GSR: variants seen among roughly 807,000 people sequenced by gnomAD.
GSR encodes the protein glutathione-disulfide reductase.
Under a neutral mutation model 56.5 loss-of-function variants are expected in GSR, and 48 were observed. The observed-to-expected ratio is 0.85, with a 90% CI of 0.67 to 1.08. The LOEUF (loss-of-function observed/expected upper bound fraction) is 1.08. GSR is among the 50% of genes least tolerant of loss of function. The pLI is 0.00. For missense variants in GSR, 694 were observed against 703.3 expected, an observed-to-expected ratio of 0.99 and a Z score of 0.15; for synonymous variants, 264 against 270.8, an observed-to-expected ratio of 0.97 and a Z score of 0.25.
In GSR at chr8:30,727,554, C is replaced by T. The variant is rs1470346529; in HGVS notation, c.282G>A (p.Glu94=). Residue 94 remains glutamate (E), a synonymous_variant, in exon 1 of 13, where the codon GAG becomes GAA. Transcript: ENST00000221130. ...CGCAAGTGCCACCCAGCTTGTGGCTCTCCACCACGGCGGCCCTGGCACCCA... is the reference window on the plus strand; with the variant it reads ...CGCAAGTGCCACCCAGCTTGTGGCTTTCCACCACGGCGGCCCTGGCACCCA... ...AELGARAAVV[E]SHKLGGTCVN... is the part of the protein sequence containing the mutation. 2 of 1,536,928 alleles carry T rather than the reference C, an allele frequency of 1.3e-6. No individual in the cohort carries two copies. The highest frequency in any genetic ancestry group is 8.7e-7 in the Non-Finnish European group (1 of 1,145,254).
At chr8:30,701,847 G>C (rs1463011833) in intron 5 of GSR, among the ~76,000 whole-genome samples, 1 of 139,714 alleles carries the variant, frequency 7.2e-6, no homozygotes, top group Non-Finnish European at 1.5e-5. Flanking sequence ...ATCTTATGAA[G>C]CTAATCCATG....
chr8:30,709,101 T>G (rs1219788824), intron 3 of GSR, among the ~76,000 whole-genome samples: 1 of 152,102 alleles, frequency 6.6e-6, no homozygotes. Flanking sequence ...CTCACACTTG[T>G]AATCCCAGCA....
rs567384786 is a variant in GSR at position 30,703,795 on chromosome 8, AAGG to A, written c.493-558_493-556del. Among the ~76,000 whole-genome samples, 370 of 150,634 alleles carry A rather than the reference AAGG, an allele frequency of 2.5e-3. 2 individuals carry two copies. Among genetic ancestry groups the A allele is most frequent in the African/African-American group, 8.5e-3 (348 of 40,972 alleles). ...AGGGAAGGGGAGCAGGGGAAGGAAG[AAGG>A]AGGAGGAGGAGAAGAGGGAGGAGGA... is the stretch of plus-strand genomic sequence containing the variant. On this transcript the variant is annotated intron_variant, in intron 4 of 12. Coordinates refer to ENST00000221130, the MANE Select transcript of GSR (RefSeq NM_000637.5).
At chr8:30,695,651 C>A (rs890465681) in intron 7 of GSR, among the ~76,000 whole-genome samples, 2 of 152,164 alleles carry the variant, frequency 1.3e-5, no homozygotes, top group African/African-American at 4.8e-5. Context: ...AGATTGGACA[C>A]CCCTGCTTTA....
intron 1 of GSR, among the ~76,000 whole-genome samples, chr8:30,713,647 C>G (rs939519537): frequency 2.0e-5 from 3 of 151,970 alleles, no homozygotes; most frequent in Non-Finnish European, 4.4e-5. Flanking sequence ...GCATGAGCCA[C>G]CACGCCCAGA....
intron 9 of GSR, among the ~76,000 whole-genome samples, chr8:30,686,561 C>T (rs1429327623): frequency 1.3e-5 from 2 of 151,966 alleles, no homozygotes; most frequent in Non-Finnish European, 2.9e-5. Context: ...GTGGACCACG[C>T]CTGTAGTTCC....
In GSR at chr8:30,696,416, C is replaced by T; in HGVS notation, c.759G>A (p.Leu253=). The T allele has an allele frequency of 6.2e-7, 1 of 1,612,912 alleles. No individual in the cohort carries two copies. The highest frequency in any genetic ancestry group is 8.5e-7 in the Non-Finnish European group (1 of 1,178,916). Residue 253 remains leucine (L), a synonymous_variant, in exon 7 of 13, where the codon CTG becomes CTA. Transcript: ENST00000221130. ...GTATCATCAGTGATGTCTTAGAACC[C>T]AGGGCTGACAGGATCCCTGCCATCT... ...AVEMAGILSA[L]GSKTSLMIRH...
At chr8:30,690,408 C>T (rs1197223896) in intron 8 of GSR, among the ~76,000 whole-genome samples, 2 of 152,064 alleles carry the variant, frequency 1.3e-5, no homozygotes, top group Non-Finnish European at 2.9e-5. Context: ...GATTCTCCTC[C>T]TGCCTTGGCC....
At chr8:30,683,847 G>T (rs954240202) in intron 10 of GSR, among the ~76,000 whole-genome samples, 1 of 151,690 alleles carries the variant, frequency 6.6e-6, no homozygotes, top group African/African-American at 2.4e-5. Flanking sequence ...AGAGAGTTCC[G>T]CAACGGGTGA....
At chr8:30,721,897 G>C (rs759549807) in intron 1 of GSR, among the ~76,000 whole-genome samples, 1 of 150,858 alleles carries the variant, frequency 6.6e-6, no homozygotes, top group Non-Finnish European at 1.5e-5. Context: ...CACGCCTGTA[G>C]TCCCAGCTAC....
At chr8:30,716,998 G>A (rs1265697503) in intron 1 of GSR, among the ~76,000 whole-genome samples, 1 of 152,134 alleles carries the variant, frequency 6.6e-6, no homozygotes, top group Non-Finnish European at 1.5e-5. Context: ...AGCACTTCGG[G>A]AGGCCGAGGC....
intron 1 of GSR, among the ~76,000 whole-genome samples, chr8:30,720,223 T>TG (rs1804485419): frequency 6.6e-6 from 1 of 151,728 alleles, no homozygotes; most frequent in Non-Finnish European, 1.5e-5. Context: ...AAAAAAAAAT[T>TG]GTTAACTTCC....
chr8:30,698,900 G>A (rs1803635612), intron 6 of GSR, among the ~76,000 whole-genome samples: 1 of 152,160 alleles, frequency 6.6e-6, no homozygotes, highest in Non-Finnish European at 1.5e-5. Flanking sequence ...TCTCACAAGT[G>A]ACAGGAGCAT....
chr8:30,698,855 T>C (rs148646781), intron 6 of GSR, among the ~76,000 whole-genome samples: 161 of 133,290 alleles, frequency 1.2e-3, no homozygotes, highest in African/African-American at 4.5e-3. Context: ...CGCCAACACA[T>C]TGGGTCCCTC....
chr8:30,724,280 T>C (rs1416389011), intron 1 of GSR, among the ~76,000 whole-genome samples: 1 of 152,184 alleles, frequency 6.6e-6, no homozygotes, highest in Non-Finnish European at 1.5e-5. Flanking sequence ...GGGTGAGATC[T>C]CAATCCTATG....
At chr8:30,700,745 A>AAAAAAAAAAAAAAAAAAAAC (rs1803708803) in intron 5 of GSR, among the ~76,000 whole-genome samples, 1 of 135,526 alleles carries the variant, frequency 7.4e-6, no homozygotes, top group Non-Finnish European at 1.6e-5. Flanking sequence ...AAAAAAAAAA[A>AAAAAAAAAAAAAAAAAAAAC]AAAAATCGAC....
chr8:30,700,007 GGAGAA>G, intron 6 of GSR, 69 bp downstream of exon 6: 1 of 1,023,762 alleles, frequency 9.8e-7, no homozygotes, highest in Non-Finnish European at 1.6e-6. Flanking sequence ...ATGCTTGGGA[GGAGAA>G]GACGAAGAAA....
intron 6 of GSR, among the ~76,000 whole-genome samples, chr8:30,699,319 G>T (rs755696403): frequency 2.6e-5 from 4 of 151,706 alleles, no homozygotes; most frequent in Admixed American, 6.6e-5. Context: ...TTCATTAAAA[G>T]AAAATCTGGC....
chr8:30,704,252 G>A (rs1352057273), intron 4 of GSR, among the ~76,000 whole-genome samples: 2 of 152,052 alleles, frequency 1.3e-5, no homozygotes, highest in Non-Finnish European at 2.9e-5. Context: ...TTGAACCTGG[G>A]AGGCAGAGGT....
Sources: allele counts gnomAD v4.1 joint callset (sites outside exome capture counted in the v4.1 genomes callset), GRCh38; gene constraint gnomAD v4.1.1; transcripts MANE v1.5; gene names NCBI Gene and HGNC (gene_info 2026-07-23, HGNC 2026-07-21).